TMEM132D: variants seen among roughly 807,000 people sequenced by gnomAD.
TMEM132D encodes transmembrane protein 132D, also known as mature OL transmembrane protein.
A neutral mutation model predicts 62.3 loss-of-function variants in TMEM132D; 21 were observed. That is an observed-to-expected ratio of 0.34 (90% confidence interval 0.24 to 0.49). The LOEUF is 0.49. Ranked by LOEUF, TMEM132D falls within the 20% of genes least tolerant of loss-of-function variation. TMEM132D has a pLI of 0.99. For synonymous variants in TMEM132D, 621 were observed against 575.6 expected, an observed-to-expected ratio of 1.08 and a Z score of -1.13; for missense variants, 1,346 against 1,402.8, an observed-to-expected ratio of 0.96 and a Z score of 0.65.
intron 4 of TMEM132D, among the ~76,000 whole-genome samples, chr12:129,248,813 C>G (rs1163546400): frequency 6.6e-6 from 1 of 152,148 alleles, no homozygotes; most frequent in African/African-American, 2.4e-5. Context: ...TCTGTTTCCA[C>G]AATACTTTGC....
At chr12:129,509,955 T>A (rs2137073166) in intron 3 of TMEM132D, among the ~76,000 whole-genome samples, 1 of 152,326 alleles carries the variant, frequency 6.6e-6, no homozygotes. Flanking sequence ...CTCTTTGATA[T>A]ACTGATTCCC....
At chr12:129,408,230 T>A (rs1871854267) in intron 3 of TMEM132D, among the ~76,000 whole-genome samples, 1 of 152,252 alleles carries the variant, frequency 6.6e-6, no homozygotes, top group Admixed American at 6.5e-5. Context: ...AAACTGCTTT[T>A]TCTTCATTAT....
At chr12:129,798,703 G>T (rs1391902317) in intron 1 of TMEM132D, among the ~76,000 whole-genome samples, 1 of 131,890 alleles carries the variant, frequency 7.6e-6, no homozygotes, top group East Asian at 2.2e-4. Flanking sequence ...GAAGAGAGAA[G>T]GGGTGGAGGG....
intron 4 of TMEM132D, among the ~76,000 whole-genome samples, chr12:129,302,183 C>A (rs1014553858): frequency 6.6e-6 from 1 of 152,212 alleles, no homozygotes; most frequent in Non-Finnish European, 1.5e-5. Context: ...GGCATGATCT[C>A]GGCTCACTGC....
At chr12:129,192,681 T>C (rs1878438378) in intron 5 of TMEM132D, among the ~76,000 whole-genome samples, 1 of 152,182 alleles carries the variant, frequency 6.6e-6, no homozygotes. Context: ...GGGTACTAAT[T>C]ATCTATCACT....
intron 3 of TMEM132D, among the ~76,000 whole-genome samples, chr12:129,379,335 C>T (rs1372207392): frequency 6.6e-6 from 1 of 152,010 alleles, no homozygotes; most frequent in Non-Finnish European, 1.5e-5. Context: ...AGACAGCAAC[C>T]ACTAATGAAC....
At chr12:129,843,143 A>G (rs1028074463) in intron 1 of TMEM132D, among the ~76,000 whole-genome samples, 3 of 152,192 alleles carry the variant, frequency 2.0e-5, no homozygotes, top group Non-Finnish European at 4.4e-5. Context: ...TAACTCTAAC[A>G]GTATTTTTTT....
chr12:129,565,736 G>A (rs761636854), intron 2 of TMEM132D, among the ~76,000 whole-genome samples: 26 of 152,270 alleles, frequency 1.7e-4, no homozygotes, highest in Admixed American at 3.3e-4. Flanking sequence ...GGGTCAGCCC[G>A]CTCCTTTCTT....
rs1160115491 is a variant in TMEM132D, at chr12:129,463,472, A to AT, written c.1115+67586dup. ...TATTTATTTATTTATTTATTTATGT[A>AT]TTATTATTATTATTATTATACTTTA... is the stretch of plus-strand genomic sequence containing the variant. On this transcript the variant is annotated intron_variant, in intron 3 of 8. Coordinates refer to ENST00000422113, the MANE Select transcript of TMEM132D (RefSeq NM_133448.3). 7.0e-4 allele frequency among the ~76,000 whole-genome samples: 45 copies of AT among 64,572 alleles called. 1 individual carries two copies. Among genetic ancestry groups the AT allele is most frequent in the African/African-American group, 1.8e-3 (43 of 24,386 alleles). The allele number at this position is 64,572 out of a possible 152,430, so 42.4% of individuals were successfully genotyped here. A position where few individuals can be genotyped will look rare whatever the true frequency, so the allele number is the denominator to read the frequency against.
chr12:129,394,163 T>C (rs1057189214), intron 3 of TMEM132D, among the ~76,000 whole-genome samples: 1 of 152,148 alleles, frequency 6.6e-6, no homozygotes, highest in African/African-American at 2.4e-5. Flanking sequence ...AACTGTACAA[T>C]CCTCAGTGAT....
intron 5 of TMEM132D, among the ~76,000 whole-genome samples, chr12:129,157,023 G>A (rs1415806094): frequency 3.9e-5 from 6 of 152,068 alleles, no homozygotes; most frequent in Admixed American, 3.9e-4. Context: ...CCACTCTTGA[G>A]ATAATGAGCC....
At chr12:129,819,136 G>A (rs1872464750) in intron 1 of TMEM132D, among the ~76,000 whole-genome samples, 2 of 151,894 alleles carry the variant, frequency 1.3e-5, no homozygotes, top group African/African-American at 2.4e-5. Context: ...GAAAAGGAAC[G>A]AAAACATAGG....
At chr12:129,267,719 T>C (rs1182457201) in intron 4 of TMEM132D, among the ~76,000 whole-genome samples, 1 of 152,184 alleles carries the variant, frequency 6.6e-6, no homozygotes, top group African/African-American at 2.4e-5. Context: ...AGAGCCCGCA[T>C]TGCCAAGTCA....
At chr12:129,220,916 ACC>A (rs1879329649) in intron 4 of TMEM132D, among the ~76,000 whole-genome samples, 1 of 149,976 alleles carries the variant, frequency 6.7e-6, no homozygotes. Context: ...CCCAACAACC[ACC>A]CCTGGGATGG....
intron 4 of TMEM132D, among the ~76,000 whole-genome samples, chr12:129,315,795 T>A (rs924039915): frequency 6.6e-6 from 1 of 152,140 alleles, no homozygotes; most frequent in Non-Finnish European, 1.5e-5. Context: ...TGGTAATTTT[T>A]AAATTACCAT....
Position 129,312,467 on chromosome 12 carries a change from G to A in TMEM132D, c.1299+25167C>T, listed in dbSNP as rs1257621832. Among the ~76,000 whole-genome samples the A allele has an allele frequency of 1.3e-5, 2 of 152,140 alleles. 1 individual carries two copies. Among genetic ancestry groups the A allele is most frequent in the Admixed American group, 1.3e-4 (2 of 15,274 alleles). On this transcript the variant is annotated intron_variant, in intron 4 of 8. Transcript: ENST00000422113. ...GAAGTGAGCTGAATCTGAATGAGAG[G>A]ACATCTATCATTCATTCATTAACGT...
At chr12:129,724,848 T>C (rs1478900556) in intron 1 of TMEM132D, among the ~76,000 whole-genome samples, 2 of 152,160 alleles carry the variant, frequency 1.3e-5, no homozygotes, top group African/African-American at 4.8e-5. Context: ...CTACTAAGTT[T>C]GTGGCAATTT....
chr12:129,349,676 G>A (rs921151492), intron 3 of TMEM132D, among the ~76,000 whole-genome samples: 6 of 152,218 alleles, frequency 3.9e-5, no homozygotes, highest in South Asian at 4.2e-4. Flanking sequence ...GGCAAAGATC[G>A]GCAAGTAGGT....
chr12:129,500,152 G>A (rs1412895115), intron 3 of TMEM132D, among the ~76,000 whole-genome samples: 2 of 145,242 alleles, frequency 1.4e-5, no homozygotes, highest in African/African-American at 2.6e-5. Flanking sequence ...TACCCTGAGT[G>A]GGGAGGCAAT....
Sources: allele counts gnomAD v4.1 joint callset (sites outside exome capture counted in the v4.1 genomes callset), GRCh38; gene constraint gnomAD v4.1.1; transcripts MANE v1.5; gene names NCBI Gene and HGNC (gene_info 2026-07-23, HGNC 2026-07-21).